CAMK1D: variants seen among roughly 807,000 people sequenced by gnomAD.
CAMK1D encodes the protein calcium/calmodulin dependent protein kinase ID.
A neutral mutation model predicts 47.7 loss-of-function variants in CAMK1D; 9 were observed. That is an observed-to-expected ratio of 0.19 (90% CI 0.11 to 0.33). The LOEUF (loss-of-function observed/expected upper bound fraction) is 0.33, where lower values mean the gene tolerates loss of function less well. Among genes scored for constraint, CAMK1D ranks in the 10% least tolerant of loss-of-function variants. CAMK1D has a pLI of 1.00. For synonymous variants in CAMK1D, 184 were observed against 184.9 expected, an observed-to-expected ratio of 0.99 and a Z score of 0.04; for missense variants, 291 against 488.7, an observed-to-expected ratio of 0.60 and a Z score of 3.81.
At chr10:12,381,236 G>A (rs1355645596) in intron 1 of CAMK1D, among the ~76,000 whole-genome samples, 1 of 152,222 alleles carries the variant, frequency 6.6e-6, no homozygotes, top group Non-Finnish European at 1.5e-5. Flanking sequence ...CCCTTCCTGG[G>A]GTGGTCACAG....
At chr10:12,517,418 G>A (rs528881411) in intron 1 of CAMK1D, among the ~76,000 whole-genome samples, 2 of 152,320 alleles carry the variant, frequency 1.3e-5, no homozygotes, top group South Asian at 4.1e-4. Context: ...TAGAAATGAT[G>A]AGAGAGCAGA....
At chr10:12,762,671 G>A (rs75877233) in intron 4 of CAMK1D, among the ~76,000 whole-genome samples, 1,714 of 152,316 alleles carry the variant, frequency 0.011, 18 homozygotes, top group East Asian at 0.058. Flanking sequence ...ACCACTGGGC[G>A]AGGATATTTG....
chr10:12,581,777 T>C (rs1426700515), intron 2 of CAMK1D, among the ~76,000 whole-genome samples: 1 of 152,232 alleles, frequency 6.6e-6, no homozygotes, highest in African/African-American at 2.4e-5. Flanking sequence ...CCTTGCAGAT[T>C]CTGGATTTTA....
At chr10:12,418,637 A>G (rs915967061) in intron 1 of CAMK1D, among the ~76,000 whole-genome samples, 1 of 152,190 alleles carries the variant, frequency 6.6e-6, no homozygotes. Context: ...TTGCACTCCA[A>G]CTAGCAATGT....
At chr10:12,759,613 T>C (rs1836405930) in intron 3 of CAMK1D, among the ~76,000 whole-genome samples, 1 of 152,226 alleles carries the variant, frequency 6.6e-6, no homozygotes, top group South Asian at 2.1e-4. Context: ...CCGTTTCTTT[T>C]CACTCTTGGA....
chr10:12,702,310 A>G (rs1833552974), intron 3 of CAMK1D, among the ~76,000 whole-genome samples: 1 of 152,192 alleles, frequency 6.6e-6, no homozygotes, highest in Admixed American at 6.5e-5. Flanking sequence ...ATTCCTGTCA[A>G]ATCATTCTCA....
intron 1 of CAMK1D, among the ~76,000 whole-genome samples, chr10:12,376,728 G>A (rs1404136757): frequency 6.6e-6 from 1 of 151,792 alleles, no homozygotes; most frequent in Non-Finnish European, 1.5e-5. Flanking sequence ...CAGAGGAATG[G>A]CCTTAGTAAC....
rs1833119297 is a variant in CAMK1D, at chr10:12,694,218, A to ATTATATATTATGTAT, written c.299+27408_299+27409insTTATATATTATGTAT. 5.8e-4 allele frequency among the ~76,000 whole-genome samples: 2 copies of ATTATATATTATGTAT among 3,438 alleles called. 1 individual carries two copies. The highest frequency in any genetic ancestry group is 1.5e-3 in the Non-Finnish European group (2 of 1,296). The allele number at this position is 3,438 out of a possible 152,430, so 2.3% of individuals were successfully genotyped here. A position where few individuals can be genotyped will look rare whatever the true frequency, so the allele number is the denominator to read the frequency against. The stretch of plus-strand genomic sequence containing the variant: ...TATATTATATATTATGTATAATATA[A>ATTATATATTATGTAT]AATATATATTATGTATAATATATAA... On this transcript the variant is annotated intron_variant, in intron 3 of 10. Transcript: ENST00000619168.
intron 2 of CAMK1D, among the ~76,000 whole-genome samples, chr10:12,646,273 G>A (rs918265169): frequency 6.6e-6 from 1 of 152,106 alleles, no homozygotes; most frequent in Non-Finnish European, 1.5e-5. Flanking sequence ...CATAGCTTCT[G>A]TCTCACTTCT....
chr10:12,490,131 G>A (rs1006827729), intron 1 of CAMK1D, among the ~76,000 whole-genome samples: 7 of 152,174 alleles, frequency 4.6e-5, no homozygotes, highest in Non-Finnish European at 1.0e-4. Flanking sequence ...AGTCTCCGAG[G>A]GCCTCTGAGT....
intron 1 of CAMK1D, among the ~76,000 whole-genome samples, chr10:12,544,744 C>T (rs1427294577): frequency 5.9e-5 from 9 of 151,952 alleles, no homozygotes. Flanking sequence ...GTGGATAGTA[C>T]TAGTATTGAG....
chr10:12,715,238 A>T (rs1190194796), intron 3 of CAMK1D, among the ~76,000 whole-genome samples: 2 of 151,962 alleles, frequency 1.3e-5, no homozygotes, highest in Non-Finnish European at 2.9e-5. Context: ...TTTGCTTTTC[A>T]TTCTTTTATA....
chr10:12,639,487 A>G (rs1470276236), intron 2 of CAMK1D, among the ~76,000 whole-genome samples: 1 of 152,154 alleles, frequency 6.6e-6, no homozygotes, highest in African/African-American at 2.4e-5. Context: ...TCTGTCTCAA[A>G]ACAAGCAAAC....
intron 1 of CAMK1D, among the ~76,000 whole-genome samples, chr10:12,367,388 G>A (rs1837867988): frequency 6.6e-6 from 1 of 152,040 alleles, no homozygotes; most frequent in Non-Finnish European, 1.5e-5. Flanking sequence ...TTTTTCCATG[G>A]ACGAGGGGTG....
intron 2 of CAMK1D, among the ~76,000 whole-genome samples, chr10:12,616,708 G>A (rs895428722): frequency 1.3e-5 from 2 of 152,080 alleles, no homozygotes; most frequent in Non-Finnish European, 2.9e-5. Context: ...TAGTAGACAC[G>A]GGGTTTCACC....
chr10:12,647,167 TGAAA>T (rs1839834440), intron 2 of CAMK1D, among the ~76,000 whole-genome samples: 1 of 129,840 alleles, frequency 7.7e-6, no homozygotes, highest in Non-Finnish European at 1.6e-5. Flanking sequence ...TTTTTTTTTT[TGAAA>T]TGGAGTCTCA....
chr10:12,417,030 TGGACAA>T (rs1360158431), intron 1 of CAMK1D, among the ~76,000 whole-genome samples: 3 of 152,138 alleles, frequency 2.0e-5, no homozygotes, highest in East Asian at 3.9e-4. Flanking sequence ...GGTGGGACTT[TGGACAA>T]GGTTCCTCAA....
intron 1 of CAMK1D, among the ~76,000 whole-genome samples, chr10:12,537,647 T>C (rs1379026003): frequency 6.6e-6 from 1 of 152,230 alleles, no homozygotes; most frequent in African/African-American, 2.4e-5. Flanking sequence ...CCGGACTGTC[T>C]CTGCTGGGCA....
intron 1 of CAMK1D, among the ~76,000 whole-genome samples, chr10:12,413,530 G>GATA (rs376684505): frequency 0.08 from 4 of 50 alleles, no homozygotes; most frequent in African/African-American, 0.14. Flanking sequence ...TGATAATGGT[G>GATA]ATGATGATGA....
Sources: gnomAD v4.1 joint callset for allele counts (sites outside exome capture counted in the v4.1 genomes callset) on GRCh38, gnomAD v4.1.1 for gene constraint, MANE v1.5 for transcripts, NCBI Gene and HGNC (gene_info 2026-07-23, HGNC 2026-07-21) for gene names.